SLC25A21: variants seen among roughly 807,000 people sequenced by gnomAD.
SLC25A21 encodes the protein mitochondrial 2-oxodicarboxylate carrier.
A neutral mutation model predicts 43.8 loss-of-function variants in SLC25A21; 47 were observed. The observed-to-expected ratio is 1.07, with a 90% CI of 0.85 to 1.37. SLC25A21 has a LOEUF of 1.37. Ranked by LOEUF, SLC25A21 falls within the 40% of genes most tolerant of loss-of-function variation. The pLI, the probability that SLC25A21 is intolerant of heterozygous loss-of-function variation, is 0.00. For missense variants in SLC25A21, 352 were observed against 350.2 expected (o/e 1.00, Z -0.04); for synonymous variants, 131 against 121.3 (o/e 1.08, Z -0.52).
intron 1 of SLC25A21, among the ~76,000 whole-genome samples, chr14:36,894,081 T>G (rs1163808336): frequency 2.0e-5 from 3 of 152,214 alleles, no homozygotes; most frequent in Non-Finnish European, 4.4e-5. Context: ...GTGAAGAAAG[T>G]CATTGGTAGC....
intron 3 of SLC25A21, among the ~76,000 whole-genome samples, chr14:36,796,398 TTTCTTTCTTTCTC>T (rs1184476678): frequency 7.2e-5 from 11 of 152,126 alleles, no homozygotes; most frequent in African/African-American, 1.9e-4. Flanking sequence ...TTTCTTTCTC[TTTCTTTCTTTCTC>T]TCTCTTTCTT....
chr14:37,019,980 A>G (rs79955935), intron 1 of SLC25A21, among the ~76,000 whole-genome samples: 49 of 151,996 alleles, frequency 3.2e-4, no homozygotes, highest in African/African-American at 1.1e-3. Context: ...AAATATAGGC[A>G]ATCTAAACAT....
intron 3 of SLC25A21, among the ~76,000 whole-genome samples, chr14:36,812,811 A>G (rs573388399): frequency 6.6e-6 from 1 of 152,228 alleles, no homozygotes; most frequent in South Asian, 2.1e-4. Context: ...CCTAGATTTG[A>G]TTCCCAGCTC....
intron 1 of SLC25A21, among the ~76,000 whole-genome samples, chr14:37,169,215 T>C (rs1189558078): frequency 1.3e-5 from 2 of 152,124 alleles, no homozygotes; most frequent in Non-Finnish European, 2.9e-5. Context: ...TTGCTTTTGC[T>C]GTCTGTATAA....
At chr14:36,825,206 T>A (rs1888782900) in intron 2 of SLC25A21, among the ~76,000 whole-genome samples, 1 of 152,196 alleles carries the variant, frequency 6.6e-6, no homozygotes, top group Non-Finnish European at 1.5e-5. Context: ...AGGAATATCG[T>A]CAAGGCCAGT....
intron 2 of SLC25A21, among the ~76,000 whole-genome samples, chr14:36,867,866 C>G (rs935468496): frequency 6.6e-6 from 1 of 151,208 alleles, no homozygotes; most frequent in Admixed American, 6.6e-5. Context: ...CATTATTGCT[C>G]CTATTTAAAT....
At chr14:36,890,395 T>C (rs1012072993) in intron 1 of SLC25A21, among the ~76,000 whole-genome samples, 4 of 152,070 alleles carry the variant, frequency 2.6e-5, no homozygotes, top group East Asian at 1.9e-4. Flanking sequence ...GTAATTATAA[T>C]GATTGGCCAA....
chr14:37,111,316 T>C (rs994038420), intron 1 of SLC25A21, among the ~76,000 whole-genome samples: 3 of 152,146 alleles, frequency 2.0e-5, no homozygotes, highest in Admixed American at 6.5e-5. Flanking sequence ...TGCAAACCAC[T>C]AAGCTTTGGC....
intron 1 of SLC25A21, among the ~76,000 whole-genome samples, chr14:36,881,711 T>C (rs1025385256): frequency 2.0e-5 from 3 of 152,076 alleles, no homozygotes; most frequent in Non-Finnish European, 2.9e-5. Flanking sequence ...ATGGAACACA[T>C]AGGTACAAAA....
intron 9 of SLC25A21, among the ~76,000 whole-genome samples, chr14:36,682,180 T>TTC (rs952140623): frequency 6.6e-6 from 1 of 151,762 alleles, no homozygotes; most frequent in African/African-American, 2.4e-5. Context: ...CTTTTTTTTT[T>TTC]TCTCTCTCTC....
In SLC25A21 at chr14:36,701,393, G is replaced by T. The variant is rs1016658225; in HGVS notation, c.603+9925C>A. Among the ~76,000 whole-genome samples the T allele has an allele frequency of 2.6e-5, 4 of 152,124 alleles. No homozygotes were observed. In the South Asian group the frequency reaches 6.2e-4, roughly 24 times the overall value. On this transcript the variant is annotated intron_variant, in intron 7 of 9. Coordinates refer to ENST00000331299, the MANE Select transcript of SLC25A21 (RefSeq NM_030631.4). The stretch of plus-strand genomic sequence containing the variant: ...TTTAAGGAATGTGGAGTATTCCTAA[G>T]ATCCTATCCTTGCAGGGCTCTGGGC...
In SLC25A21 at chr14:36,932,692, T is replaced by C. The variant is rs185363222; in HGVS notation, c.71-57688A>G. ...CTAGGAACCATGCCAGGCTACCCCA[T>C]TAAACTTGATGGACCTGAGAATAGT... On this transcript the variant is annotated intron_variant, in intron 1 of 9. Transcript: ENST00000331299. Among the ~76,000 whole-genome samples the C allele has an allele frequency of 1.1e-3, 163 of 152,076 alleles. 1 individual carries two copies. Among genetic ancestry groups the C allele is most frequent in the African/African-American group, 3.7e-3 (153 of 41,498 alleles).
At chr14:36,756,614 C>T (rs552281351) in intron 3 of SLC25A21, among the ~76,000 whole-genome samples, 1 of 152,176 alleles carries the variant, frequency 6.6e-6, no homozygotes, top group Admixed American at 6.5e-5. Context: ...CTTGGGCCTT[C>T]CTCCCAAAGA....
Position 36,771,970 on chromosome 14 carries a change from C to T in SLC25A21, c.204-37397G>A, listed in dbSNP as rs191323880. Among the ~76,000 whole-genome samples, 493 of 152,242 alleles carry T rather than the reference C, an allele frequency of 3.2e-3. 1 individual carries two copies. The highest frequency in any genetic ancestry group is 5.5e-3 in the Non-Finnish European group (372 of 68,012). On this transcript the variant is annotated intron_variant, in intron 3 of 9. Coordinates refer to ENST00000331299, the MANE Select transcript of SLC25A21 (RefSeq NM_030631.4). Reference sequence around the variant, plus strand: ...GTGTCTGATAATTGCTGATGACCAACGAACAGAGGTCTGAGCTCGCGAGCA... The same window carrying T: ...GTGTCTGATAATTGCTGATGACCAATGAACAGAGGTCTGAGCTCGCGAGCA...
intron 3 of SLC25A21, among the ~76,000 whole-genome samples, chr14:36,739,896 G>A (rs1240732891): frequency 6.6e-6 from 1 of 152,150 alleles, no homozygotes; most frequent in Non-Finnish European, 1.5e-5. Context: ...TCCTTTTCTA[G>A]TGAGAGGGTT....
chr14:36,821,107 G>T (rs1025439328), intron 2 of SLC25A21, among the ~76,000 whole-genome samples: 21 of 152,174 alleles, frequency 1.4e-4, no homozygotes, highest in African/African-American at 4.8e-4. Flanking sequence ...GCAAAGACAT[G>T]TCTGAGGTTT....
chr14:36,998,605 A>G (rs889031066), intron 1 of SLC25A21, among the ~76,000 whole-genome samples: 10 of 152,276 alleles, frequency 6.6e-5, no homozygotes, highest in African/African-American at 2.4e-4. Flanking sequence ...TAATGTCTAC[A>G]GATAACATTT....
At chr14:37,009,836 A>C (rs958080344) in intron 1 of SLC25A21, among the ~76,000 whole-genome samples, 12 of 152,188 alleles carry the variant, frequency 7.9e-5, no homozygotes, top group Non-Finnish European at 1.6e-4. Context: ...TCAACTATAA[A>C]TTCTCATTAT....
At chr14:36,773,498 T>A (rs913320814) in intron 3 of SLC25A21, among the ~76,000 whole-genome samples, 45 of 152,236 alleles carry the variant, frequency 3.0e-4, no homozygotes, top group African/African-American at 1.0e-3. Flanking sequence ...AACATGGATC[T>A]ATTGAGTATT....
Sources: allele counts gnomAD v4.1 joint callset (sites outside exome capture counted in the v4.1 genomes callset), GRCh38; gene constraint gnomAD v4.1.1; transcripts MANE v1.5; gene names NCBI Gene and HGNC (gene_info 2026-07-23, HGNC 2026-07-21).